ETF1: variants seen among roughly 807,000 people sequenced by gnomAD.
The protein encoded by ETF1 is eukaryotic translation termination factor 1.
Under a neutral mutation model 55.1 loss-of-function variants are expected in ETF1, and 4 were observed. The observed-to-expected ratio is 0.07, with a 90% confidence interval of 0.04 to 0.17. The LOEUF is 0.17. Ranked by LOEUF, ETF1 falls within the 10% of genes least tolerant of loss-of-function variation. The pLI, the probability that ETF1 is intolerant of heterozygous loss-of-function variation, is 1.00. For synonymous variants in ETF1, 157 were observed against 182.3 expected, an observed-to-expected ratio of 0.86 and a Z score of 1.12; for missense variants, 142 against 523.6, an observed-to-expected ratio of 0.27 and a Z score of 7.11.
chr5:138,535,186 G>A (rs1765867059), intron 2 of ETF1, among the ~76,000 whole-genome samples: 1 of 151,914 alleles, frequency 6.6e-6, no homozygotes, highest in Non-Finnish European at 1.5e-5. Flanking sequence ...CCTTACCTCA[G>A]TGATCTACCT....
chr5:138,508,462 T>C (rs551262527), intron 10 of ETF1, 75 bp from the exon 11 acceptor site: 3 of 1,598,846 alleles, frequency 1.9e-6, no homozygotes, highest in African/African-American at 1.3e-5. Context: ...GGTAAGGGAA[T>C]AAGGGAAGCC....
chr5:138,532,554 A>G (rs1197388039), intron 2 of ETF1, among the ~76,000 whole-genome samples: 5 of 152,256 alleles, frequency 3.3e-5, no homozygotes, highest in Non-Finnish European at 5.9e-5. Context: ...GGAAAGAAGT[A>G]GCACAGCCCA....
At chr5:138,542,553 G>A (rs1435681090) in intron 2 of ETF1, 1 of 1,235,176 alleles carries the variant, frequency 8.1e-7, no homozygotes, top group African/African-American at 1.6e-5. Context: ...GGACTTAAGG[G>A]CCCGGGAGAG....
At chr5:138,542,031 C>G (rs1162002687) in intron 2 of ETF1, among the ~76,000 whole-genome samples, 2 of 152,154 alleles carry the variant, frequency 1.3e-5, no homozygotes, top group Non-Finnish European at 2.9e-5. Context: ...TCAAGCACAT[C>G]AGGCGCCTCT....
chr5:138,521,576 G>A (rs747144909), intron 2 of ETF1, among the ~76,000 whole-genome samples: 20 of 152,072 alleles, frequency 1.3e-4, no homozygotes, highest in Non-Finnish European at 2.8e-4. Context: ...GCCCAGGCTG[G>A]AGTGCAGTGG....
chr5:138,513,097 A>C (rs1764879976), intron 5 of ETF1, 143 bp from the exon 6 acceptor site: 2 of 1,382,326 alleles, frequency 1.4e-6, no homozygotes, highest in Admixed American at 7.5e-5. Context: ...TTCAGCATAA[A>C]CTGCTACTTG....
chr5:138,528,401 C>T (rs947519052), intron 2 of ETF1, among the ~76,000 whole-genome samples: 4 of 152,208 alleles, frequency 2.6e-5, no homozygotes, highest in Admixed American at 6.5e-5. Context: ...AGAAGATAAA[C>T]ATTCATTAAG....
chr5:138,519,318 A>C, intron 2 of ETF1: 1 of 359,406 alleles, frequency 2.8e-6, no homozygotes, highest in Non-Finnish European at 3.9e-6. Flanking sequence ...TTAGTATTCT[A>C]ATGATGGGAA....
intron 4 of ETF1, among the ~76,000 whole-genome samples, chr5:138,516,125 C>T (rs1277930133): frequency 3.9e-5 from 6 of 152,082 alleles, no homozygotes; most frequent in African/African-American, 1.4e-4. Context: ...CTTTGTCACT[C>T]AAAAGTTTCA....
At chr5:138,510,184 C>T (rs181161535) in intron 9 of ETF1, among the ~76,000 whole-genome samples, 30 of 151,250 alleles carry the variant, frequency 2.0e-4, no homozygotes, top group South Asian at 1.5e-3. Flanking sequence ...ATGGTGAAAA[C>T]GCCTCTCTAC....
At chr5:138,542,120 A>T (rs1431597706) in intron 2 of ETF1, among the ~76,000 whole-genome samples, 1 of 152,158 alleles carries the variant, frequency 6.6e-6, no homozygotes, top group Non-Finnish European at 1.5e-5. Context: ...ACGGCCCCCT[A>T]ACCCGTATTT....
chr5:138,512,691 C>T (rs1764867857), intron 6 of ETF1, 73 bp downstream of exon 6: 32 of 1,324,028 alleles, frequency 2.4e-5, no homozygotes, highest in Non-Finnish European at 3.3e-5. Context: ...TGTGTCTGTT[C>T]CAGTGCTCAC....
chr5:138,542,524 G>A (rs762549286), intron 2 of ETF1: 3 of 896,904 alleles, frequency 3.3e-6, no homozygotes, highest in Non-Finnish European at 4.6e-6. Context: ...AGCACCTGGA[G>A]CCCGAAGAGG....
At chr5:138,510,013 T>C (rs572261190) in intron 9 of ETF1, among the ~76,000 whole-genome samples, 5 of 149,986 alleles carry the variant, frequency 3.3e-5, no homozygotes, top group South Asian at 4.2e-4. Flanking sequence ...TGAGCTATGA[T>C]TGTGCCACTG....
At position 138,508,359 on chromosome 5, in the gene ETF1, C is replaced by T; in HGVS notation, c.1260G>A (p.Gln420=). 1.2e-6 allele frequency: 2 copies of T among 1,614,030 alleles called. No homozygotes were observed. Among genetic ancestry groups the T allele is most frequent in the Non-Finnish European group, 1.7e-6 (2 of 1,180,018 alleles). ...GGILRYRVDF[Q]GMEYQGGDDE... ...CGTCTCCTCCTTGGTATTCCATTCC[C>T]TGGAAATCTACTCGGTACCGCAAGA... The change falls in exon 11 of 11, where the codon CAG becomes CAA. Residue 420 remains glutamine, a synonymous_variant. Coordinates refer to ENST00000360541, the MANE Select transcript of ETF1 (RefSeq NM_004730.4).
intron 2 of ETF1, among the ~76,000 whole-genome samples, chr5:138,524,474 GC>G (rs1765372254): frequency 6.6e-6 from 1 of 150,920 alleles, no homozygotes; most frequent in Admixed American, 6.6e-5. Flanking sequence ...AATTACCTAA[GC>G]CCTAGAGGTT....
chr5:138,532,743 A>G (rs1232271182), intron 2 of ETF1, among the ~76,000 whole-genome samples: 1 of 152,220 alleles, frequency 6.6e-6, no homozygotes, highest in Non-Finnish European at 1.5e-5. Context: ...TAATATGGCC[A>G]GAACACTGGA....
rs747982310 is a variant in ETF1, at chr5:138,511,389, TACACAC to T, written c.862+80_862+85del. On this transcript the variant is annotated intron_variant, in intron 7 of 10. Transcript: ENST00000360541. ...TGTCTCATACATACAATCACGTACA[TACACAC>T]ACACACATACACACACACACACACA... 89 of 1,412,110 alleles carry T rather than the reference TACACAC, an allele frequency of 6.3e-5. 1 individual carries two copies. The highest frequency in any genetic ancestry group is 2.2e-4 in the Middle Eastern group (1 of 4,620). The allele number at this position is 1,412,110 out of a possible 1,614,324, so 87.5% of individuals were successfully genotyped here. A position where few individuals can be genotyped will look rare whatever the true frequency, so the allele number is the denominator to read the frequency against.
chr5:138,509,989 G>T (rs951894593), intron 9 of ETF1, among the ~76,000 whole-genome samples: 1 of 151,112 alleles, frequency 6.6e-6, no homozygotes, highest in Non-Finnish European at 1.5e-5. Context: ...GAGCCCAGGG[G>T]TTCGAGGTTA....
Sources: gnomAD v4.1 joint callset for allele counts (sites outside exome capture counted in the v4.1 genomes callset) on GRCh38, gnomAD v4.1.1 for gene constraint, MANE v1.5 for transcripts, NCBI Gene and HGNC (gene_info 2026-07-23, HGNC 2026-07-21) for gene names.